GUCY1A2: variants seen among roughly 807,000 people sequenced by gnomAD.
The protein encoded by GUCY1A2 is guanylate cyclase 1 soluble subunit alpha 2, also known as guanylate cyclase soluble subunit alpha-2.
A neutral mutation model predicts 63.5 loss-of-function variants in GUCY1A2; 27 were observed. That is an observed-to-expected ratio of 0.43 (90% confidence interval 0.31 to 0.59). The LOEUF is 0.59. Ranked by LOEUF, GUCY1A2 falls within the 20% of genes least tolerant of loss-of-function variation. The pLI is 0.11. For synonymous variants in GUCY1A2, 364 were observed against 343.5 expected, an observed-to-expected ratio of 1.06 and a Z score of -0.66; for missense variants, 768 against 913.3, an observed-to-expected ratio of 0.84 and a Z score of 2.05.
intron 4 of GUCY1A2, among the ~76,000 whole-genome samples, chr11:106,905,966 G>A (rs143596374): frequency 0.013 from 1,933 of 152,134 alleles, 27 homozygotes; most frequent in South Asian, 0.046. Flanking sequence ...ACACTTAAAC[G>A]TAAGACCTAA....
chr11:106,749,013 G>A (rs3907374), intron 6 of GUCY1A2, among the ~76,000 whole-genome samples: 66,543 of 151,804 alleles, frequency 0.44, 16,173 homozygotes, highest in East Asian at 0.72. Flanking sequence ...CATATACAAT[G>A]GCAATCCCTT....
At chr11:106,833,721 TAAGTA>T (rs1262374727) in intron 4 of GUCY1A2, among the ~76,000 whole-genome samples, 2 of 151,946 alleles carry the variant, frequency 1.3e-5, no homozygotes, top group East Asian at 1.9e-4. Context: ...TAATCAACCG[TAAGTA>T]AAGATTATTA....
chr11:106,763,529 A>G (rs1381499318), intron 6 of GUCY1A2, among the ~76,000 whole-genome samples: 1 of 152,128 alleles, frequency 6.6e-6, no homozygotes, highest in African/African-American at 2.4e-5. Flanking sequence ...AATATATGCT[A>G]TTACCTATTT....
intron 1 of GUCY1A2, among the ~76,000 whole-genome samples, chr11:107,010,099 A>G (rs1387569855): frequency 6.6e-6 from 1 of 152,020 alleles, no homozygotes; most frequent in Non-Finnish European, 1.5e-5. Context: ...TCTGGAAGTG[A>G]TTTCTCACTA....
At chr11:106,735,249 A>G (rs1480164574) in intron 6 of GUCY1A2, among the ~76,000 whole-genome samples, 2 of 152,096 alleles carry the variant, frequency 1.3e-5, no homozygotes, top group South Asian at 2.1e-4. Flanking sequence ...GTATCTAAGT[A>G]TATTGTTGTA....
intron 4 of GUCY1A2, among the ~76,000 whole-genome samples, chr11:106,885,455 C>T (rs1356328434): frequency 1.3e-5 from 2 of 152,108 alleles, no homozygotes; most frequent in Admixed American, 1.3e-4. Context: ...AAAAAATTCT[C>T]GAATGCTAAT....
intron 4 of GUCY1A2, among the ~76,000 whole-genome samples, chr11:106,847,562 G>T (rs947479959): frequency 6.6e-6 from 1 of 151,412 alleles, no homozygotes; most frequent in African/African-American, 2.4e-5. Context: ...CCAAAGGAAG[G>T]AGAAGGCATT....
chr11:106,991,901 C>T (rs1328676132), intron 1 of GUCY1A2, among the ~76,000 whole-genome samples: 1 of 152,192 alleles, frequency 6.6e-6, no homozygotes, highest in Admixed American at 6.5e-5. Flanking sequence ...CCAGGCACTG[C>T]TTTAAGCCCT....
At chr11:106,891,396 T>C (rs888282875) in intron 4 of GUCY1A2, among the ~76,000 whole-genome samples, 2 of 152,136 alleles carry the variant, frequency 1.3e-5, no homozygotes, top group East Asian at 1.9e-4. Context: ...TGTCTGTGGA[T>C]TGCCTTTTCA....
In GUCY1A2 at chr11:106,681,667, T is replaced by A. The variant is rs918547543; in HGVS notation, c.*5882A>T. 1 of 221,726 alleles carries A rather than the reference T, an allele frequency of 4.5e-6. No individual in the cohort carries two copies. Among genetic ancestry groups the A allele is most frequent in the Non-Finnish European group, 9.0e-6 (1 of 110,840 alleles). 13.7% of individuals were successfully genotyped at this position (221,726 alleles called of 1,614,324 possible). ...AGTCATTACTTGCTGCTCATTTTGC[T>A]ACAGAATAATGAGTATCTTTAAAAA... On this transcript the variant is annotated 3_prime_UTR_variant, in exon 8 of 8. Transcript: ENST00000526355.
At chr11:106,742,515 T>C (rs1456351186) in intron 6 of GUCY1A2, among the ~76,000 whole-genome samples, 1 of 152,218 alleles carries the variant, frequency 6.6e-6, no homozygotes, top group East Asian at 1.9e-4. Flanking sequence ...GAAAAGGACA[T>C]GATCTTGTTC....
At chr11:106,927,559 G>A (rs1200375573) in intron 4 of GUCY1A2, among the ~76,000 whole-genome samples, 2 of 150,908 alleles carry the variant, frequency 1.3e-5, no homozygotes, top group Non-Finnish European at 2.9e-5. Context: ...ATAAACTCTT[G>A]TATGGAATAA....
At chr11:106,770,247 G>A in intron 6 of GUCY1A2, among the ~76,000 whole-genome samples, 1 of 151,984 alleles carries the variant, frequency 6.6e-6, no homozygotes. Context: ...ATCCCCTGTA[G>A]ATTACTTATA....
At chr11:106,966,790 C>T (rs1861131728) in intron 3 of GUCY1A2, among the ~76,000 whole-genome samples, 1 of 151,996 alleles carries the variant, frequency 6.6e-6, no homozygotes, top group Non-Finnish European at 1.5e-5. Flanking sequence ...CTAAATTTGG[C>T]AACTGGAATA....
At chr11:106,810,692 T>G (rs1020919593) in intron 4 of GUCY1A2, among the ~76,000 whole-genome samples, 2 of 152,102 alleles carry the variant, frequency 1.3e-5, no homozygotes, top group Non-Finnish European at 2.9e-5. Context: ...AGCTACTTTC[T>G]AAAGACAATA....
intron 6 of GUCY1A2, among the ~76,000 whole-genome samples, chr11:106,767,928 T>C (rs569993345): frequency 6.6e-6 from 1 of 152,250 alleles, no homozygotes; most frequent in South Asian, 2.1e-4. Flanking sequence ...AATCTTTAAA[T>C]TCAATGACTA....
rs554367577 is a variant in GUCY1A2, at chr11:107,016,393, A to G, written c.303+1360T>C. ...GCAACAGAGTGGATTTCTTTAAAACAGAGCTCTCCCAGACACGGTAAGATT... is the reference window on the plus strand; with the variant it reads ...GCAACAGAGTGGATTTCTTTAAAACGGAGCTCTCCCAGACACGGTAAGATT... On this transcript the variant is annotated intron_variant, in intron 1 of 7. Transcript: ENST00000526355. Among the ~76,000 whole-genome samples the G allele has an allele frequency of 3.3e-4, 50 of 152,384 alleles. 1 individual carries two copies. In the South Asian group the frequency reaches 9.3e-3, roughly 28 times the overall value.
At chr11:106,929,863 A>C (rs1337858776) in intron 4 of GUCY1A2, among the ~76,000 whole-genome samples, 1 of 152,044 alleles carries the variant, frequency 6.6e-6, no homozygotes, top group African/African-American at 2.4e-5. Flanking sequence ...TTATATGATA[A>C]CTATTTAAAT....
intron 4 of GUCY1A2, among the ~76,000 whole-genome samples, chr11:106,920,263 A>G (rs1196659867): frequency 1.3e-5 from 2 of 152,086 alleles, no homozygotes; most frequent in African/African-American, 4.8e-5. Flanking sequence ...AAGTGGATGC[A>G]GGGAGTTCCC....
Sources: allele counts gnomAD v4.1 joint callset (sites outside exome capture counted in the v4.1 genomes callset), GRCh38; gene constraint gnomAD v4.1.1; transcripts MANE v1.5; gene names NCBI Gene and HGNC (gene_info 2026-07-23, HGNC 2026-07-21).